Variants in MTMR14 observed in about 807,000 individuals in gnomAD.
MTMR14 encodes the protein myotubularin related protein 14.
Under a neutral mutation model 86.3 loss-of-function variants are expected in MTMR14, and 48 were observed. The observed-to-expected ratio is 0.56, with a 90% CI of 0.44 to 0.71. The LOEUF (loss-of-function observed/expected upper bound fraction) is 0.71. Ranked by LOEUF, MTMR14 falls within the 30% of genes least tolerant of loss-of-function variation. MTMR14 has a pLI of 0.00. For missense variants in MTMR14, 780 were observed against 834.6 expected (o/e 0.93, Z 0.81); for synonymous variants, 366 against 326.1 (o/e 1.12, Z -1.32).
rs779035141 is a variant in MTMR14, at chr3:9,649,541, A to G, written c.-43A>G. ...TCGGAGTTGGGTGCAGGCAGGTGCC[A>G]TGGGCCCGCTTGAGGCACACTGAGG... On this transcript the variant is annotated 5_prime_UTR_variant, in exon 1 of 19. An upstream start codon of the reference 5' UTR is lost. Coordinates refer to ENST00000296003, the MANE Select transcript of MTMR14 (RefSeq NM_001077525.3). 242 of 1,517,036 alleles carry G rather than the reference A, an allele frequency of 1.6e-4. No individual in the cohort carries two copies. In the Middle Eastern group the frequency reaches 2.6e-3, roughly 16 times the overall value. The allele number at this position is 1,517,036 out of a possible 1,614,324, so 94.0% of individuals were successfully genotyped here. A position where few individuals can be genotyped will look rare whatever the true frequency, so the allele number is the denominator to read the frequency against.
At chr3:9,653,561 T>G (rs1203258257) in intron 1 of MTMR14, 60 bp from the exon 2 acceptor site, 1 of 1,611,152 alleles carries the variant, frequency 6.2e-7, no homozygotes, top group East Asian at 2.2e-5. Flanking sequence ...ATGGACCTCC[T>G]AATTCTCACC....
chr3:9,663,492 A>AGT (rs2125058520), intron 3 of MTMR14, among the ~76,000 whole-genome samples: 2 of 96,562 alleles, frequency 2.1e-5, no homozygotes, highest in East Asian at 6.6e-4. Context: ...TTTGAGATGG[A>AGT]GTCTCTCTCT....
intron 1 of MTMR14, 114 bp downstream of exon 1, chr3:9,649,856 G>A: frequency 1.9e-6 from 3 of 1,550,554 alleles, no homozygotes; most frequent in Non-Finnish European, 2.6e-6. Context: ...CGCTGAGGAA[G>A]AGGAGAGAGA....
intron 1 of MTMR14, among the ~76,000 whole-genome samples, chr3:9,651,419 G>A (rs2124901117): frequency 6.6e-6 from 1 of 152,198 alleles, no homozygotes; most frequent in Admixed American, 6.5e-5. Flanking sequence ...GGTCTTTTGA[G>A]TGGCTGTAGG....
intron 13 of MTMR14, 23 bp from the exon 14 acceptor site, chr3:9,687,798 C>T (rs375176122): frequency 5.3e-5 from 82 of 1,557,472 alleles, no homozygotes; most frequent in East Asian, 4.2e-4. Context: ...TCTCATTGTG[C>T]GCTGCTCTTT....
chr3:9,653,673 T>A lies in MTMR14; in HGVS notation c.212T>A (p.Phe71Tyr), dbSNP rs2047438936. 6.2e-7 allele frequency: 1 copy of A among 1,614,066 alleles called. No individual in the cohort carries two copies. The highest frequency in any genetic ancestry group is 1.1e-5 in the South Asian group (1 of 91,092). ...CLELFGRDYC[F>Y]SVIPNTNGDI... is the part of the protein sequence containing the mutation. Reference sequence around the variant, plus strand: ...GAGCTGTTTGGCCGAGACTACTGTTTCAGCGTGATTCCAAACACGAATGGG... The same window carrying A: ...GAGCTGTTTGGCCGAGACTACTGTTACAGCGTGATTCCAAACACGAATGGG... The change falls in exon 2 of 19, where the codon TTC (phenylalanine) becomes TAC (tyrosine). Residue 71 changes from phenylalanine to tyrosine, a missense_variant. Physicochemically the swap from Phe to Tyr is conservative, Grantham distance 22. Transcript: ENST00000296003.
chr3:9,679,480 G>A (rs2075690037), intron 9 of MTMR14, among the ~76,000 whole-genome samples: 1 of 152,198 alleles, frequency 6.6e-6, no homozygotes, highest in Admixed American at 6.5e-5. Flanking sequence ...GTACAAACTG[G>A]ATCTGATGAA....
intron 2 of MTMR14, among the ~76,000 whole-genome samples, chr3:9,661,922 A>G (rs1277612842): frequency 6.6e-6 from 1 of 151,800 alleles, no homozygotes; most frequent in African/African-American, 2.4e-5. Context: ...CCCCGTCTCT[A>G]CCAAAAATAA....
intron 4 of MTMR14, 28 bp downstream of exon 4, chr3:9,668,822 T>C (rs767381507): frequency 1.2e-6 from 2 of 1,610,520 alleles, no homozygotes; most frequent in Non-Finnish European, 1.7e-6. Context: ...TCCTCTGATG[T>C]AGAATGAGAA....
Position 9,653,668 on chromosome 3 carries a change from C to T in MTMR14, c.207C>T (p.Tyr69=). Residue 69 remains tyrosine (Y), a synonymous_variant, in exon 2 of 19, where the codon TAC becomes TAT. Coordinates refer to ENST00000296003, the MANE Select transcript of MTMR14 (RefSeq NM_001077525.3). The stretch of plus-strand genomic sequence containing the variant: ...GTCTGGAGCTGTTTGGCCGAGACTA[C>T]TGTTTCAGCGTGATTCCAAACACGA... The part of the protein sequence containing the change: ...KRCLELFGRD[Y]CFSVIPNTNG... 1 of 1,614,160 alleles carries T rather than the reference C, an allele frequency of 6.2e-7. No homozygotes were observed. Among genetic ancestry groups the T allele is most frequent in the South Asian group, 1.1e-5 (1 of 91,090 alleles).
At chr3:9,679,009 T>G (rs2075671720) in intron 9 of MTMR14, among the ~76,000 whole-genome samples, 1 of 152,190 alleles carries the variant, frequency 6.6e-6, no homozygotes. Flanking sequence ...CACCCAGCCT[T>G]GAGATCTCTC....
intron 17 of MTMR14, among the ~76,000 whole-genome samples, chr3:9,697,296 A>C (rs1484524695): frequency 1.3e-5 from 2 of 152,160 alleles, no homozygotes; most frequent in Non-Finnish European, 2.9e-5. Context: ...GCAAATCTGC[A>C]TGCCAGCAAG....
intron 2 of MTMR14, among the ~76,000 whole-genome samples, chr3:9,656,238 G>A (rs775243788): frequency 1.3e-5 from 2 of 152,094 alleles, no homozygotes; most frequent in African/African-American, 4.8e-5. Flanking sequence ...AGGTTGTAGT[G>A]GGGTTCTCCA....
At chr3:9,668,624 G>A in intron 3 of MTMR14, 95 bp from the exon 4 acceptor site, 1 of 1,337,112 alleles carries the variant, frequency 7.5e-7, no homozygotes, top group Non-Finnish European at 1.1e-6. Flanking sequence ...GGCCCGTTAT[G>A]CTGGCCTGGA....
intron 3 of MTMR14, among the ~76,000 whole-genome samples, chr3:9,665,063 C>A (rs1337606725): frequency 6.6e-6 from 1 of 151,980 alleles, no homozygotes; most frequent in Non-Finnish European, 1.5e-5. Context: ...GCAGGCAGAT[C>A]GTGAGGTCAG....
At chr3:9,668,480 G>A (rs1007120413) in intron 3 of MTMR14, among the ~76,000 whole-genome samples, 1 of 152,178 alleles carries the variant, frequency 6.6e-6, no homozygotes, top group South Asian at 2.1e-4. Flanking sequence ...AATCTGATCC[G>A]ATCCTGTTGG....
chr3:9,659,970 G>C (rs1213941699), intron 2 of MTMR14, among the ~76,000 whole-genome samples: 4 of 152,370 alleles, frequency 2.6e-5, no homozygotes, highest in Non-Finnish European at 5.9e-5. Context: ...TAGGCATTTA[G>C]GGTTCAGAGG....
chr3:9,690,822 G>A (rs578211271), intron 17 of MTMR14, among the ~76,000 whole-genome samples: 1 of 152,294 alleles, frequency 6.6e-6, no homozygotes, highest in South Asian at 2.1e-4. Context: ...AGAATGTCTA[G>A]CCTTTCTGGA....
At chr3:9,661,439 G>A (rs751035465) in intron 2 of MTMR14, among the ~76,000 whole-genome samples, 2 of 152,150 alleles carry the variant, frequency 1.3e-5, no homozygotes, top group African/African-American at 2.4e-5. Context: ...GAAGTCAGAC[G>A]GTAATGCTCA....
Sources: gnomAD v4.1 joint callset for allele counts (sites outside exome capture counted in the v4.1 genomes callset) on GRCh38, gnomAD v4.1.1 for gene constraint, MANE v1.5 for transcripts, NCBI Gene and HGNC (gene_info 2026-07-23, HGNC 2026-07-21) for gene names.